Variants in DPYSL5 observed in about 807,000 individuals in gnomAD.
DPYSL5 encodes dihydropyrimidinase like 5.
Under a neutral mutation model 58.4 loss-of-function variants are expected in DPYSL5, and 9 were observed. The observed-to-expected ratio is 0.15, with a 90% CI of 0.09 to 0.27. The LOEUF is 0.27. Ranked by LOEUF, DPYSL5 falls within the 10% of genes least tolerant of loss-of-function variation. DPYSL5 has a pLI of 1.00. For missense variants in DPYSL5, 499 were observed against 770.6 expected (o/e 0.65, Z 4.17); for synonymous variants, 293 against 301.9 (o/e 0.97, Z 0.31).
At chr2:26,873,697 G>GT (rs1663329773) in intron 1 of DPYSL5, among the ~76,000 whole-genome samples, 1 of 152,200 alleles carries the variant, frequency 6.6e-6, no homozygotes, top group Non-Finnish European at 1.5e-5. Context: ...GTTTTCACAT[G>GT]TTTAAATGGT....
Position 26,933,894 on chromosome 2 carries a change from G to T in DPYSL5, c.790+561G>T, listed in dbSNP as rs533914655. 6.6e-6 allele frequency among the ~76,000 whole-genome samples: 1 copy of T among 152,262 alleles called. No homozygotes were observed. Among genetic ancestry groups the T allele is most frequent in the South Asian group, 2.1e-4 (1 of 4,826 alleles). On this transcript the variant is annotated intron_variant, in intron 7 of 12. Coordinates refer to ENST00000288699, the MANE Select transcript of DPYSL5 (RefSeq NM_020134.4). The surrounding 1 kb of genome is among the most constrained non-coding windows in gnomAD (Gnocchi z 4.2). Reference sequence around the variant, plus strand: ...AGCCCCGCCCCAGGTGCTGGTGAGGGCCTGGCAGCAGGAGAAACAAAGTCA... The same window carrying T: ...AGCCCCGCCCCAGGTGCTGGTGAGGTCCTGGCAGCAGGAGAAACAAAGTCA...
intron 2 of DPYSL5, among the ~76,000 whole-genome samples, chr2:26,916,235 C>A (rs1664560200): frequency 1.3e-5 from 2 of 152,288 alleles, no homozygotes; most frequent in East Asian, 3.9e-4. Context: ...CAGTCAGGTC[C>A]ATCATCCCAA....
intron 1 of DPYSL5, among the ~76,000 whole-genome samples, chr2:26,869,967 C>T (rs942419048): frequency 3.9e-5 from 6 of 152,114 alleles, no homozygotes; most frequent in African/African-American, 9.7e-5. Context: ...GCTGAGATCG[C>T]GCCACTGCAC....
intron 2 of DPYSL5, among the ~76,000 whole-genome samples, chr2:26,915,723 C>T (rs1039869312): frequency 2.0e-5 from 3 of 152,122 alleles, no homozygotes; most frequent in Non-Finnish European, 2.9e-5. Flanking sequence ...TCCTGATTTC[C>T]CCCAAAACCT....
intron 1 of DPYSL5, among the ~76,000 whole-genome samples, chr2:26,891,826 C>A (rs1431079660): frequency 6.6e-6 from 1 of 152,054 alleles, no homozygotes; most frequent in African/African-American, 2.4e-5. Flanking sequence ...GCATGCACTA[C>A]CACGCCCAGC....
At chr2:26,883,386 ATTGTTTGT>A (rs1284722746) in intron 1 of DPYSL5, among the ~76,000 whole-genome samples, 1 of 151,696 alleles carries the variant, frequency 6.6e-6, no homozygotes, top group Non-Finnish European at 1.5e-5. Context: ...ATTTGCTCTT[ATTGTTTGT>A]TTGTTTGTTT....
intron 5 of DPYSL5, among the ~76,000 whole-genome samples, chr2:26,929,760 C>T (rs1664925212): frequency 2.0e-5 from 3 of 152,230 alleles, no homozygotes; most frequent in South Asian, 2.1e-4. Context: ...AGCTGTTTTC[C>T]GCCTGCCCTC....
intron 1 of DPYSL5, among the ~76,000 whole-genome samples, chr2:26,864,975 G>A (rs1457149663): frequency 3.9e-5 from 6 of 152,140 alleles, no homozygotes; most frequent in Non-Finnish European, 8.8e-5. Flanking sequence ...ATCTACATCC[G>A]TTCACAGACC....
intron 1 of DPYSL5, among the ~76,000 whole-genome samples, chr2:26,866,985 C>A (rs1056553625): frequency 6.6e-6 from 1 of 151,952 alleles, no homozygotes. Context: ...TCGCATGCCT[C>A]GGCCTCCCAA....
rs55675629 is a variant in DPYSL5, at chr2:26,944,704, G to A, written c.1489G>A (p.Ala497Thr). ...CCGCACTCCCTACCTGGGGGATGTC[G>A]CTGTTGTCGTGCACCCTGGGAAAAA... ...VDRTPYLGDV[A>T]VVVHPGKKEM... Residue 497 changes from alanine to threonine, a missense_variant, in exon 12 of 13, where the codon GCT becomes ACT. Physicochemically the swap from Ala to Thr is moderately conservative, Grantham distance 58. This residue lies in a region of DPYSL5 where 62 missense variants were observed against 59.2 expected (regional missense o/e 1.05). Coordinates refer to ENST00000288699, the MANE Select transcript of DPYSL5 (RefSeq NM_020134.4). This position sits in a 1 kb window ranked among gnomAD's most constrained non-coding sequence, Gnocchi z 4.4. The A allele has an allele frequency of 2.5e-5, 40 of 1,614,080 alleles. No individual in the cohort carries two copies. Among genetic ancestry groups the A allele is most frequent in the South Asian group, 1.2e-4 (11 of 91,086 alleles).
chr2:26,941,173 C>T (rs1024108610), intron 9 of DPYSL5, among the ~76,000 whole-genome samples: 2 of 151,898 alleles, frequency 1.3e-5, no homozygotes, highest in Admixed American at 6.6e-5. Flanking sequence ...CTCTTGACCT[C>T]GTGATCCGCC....
chr2:26,941,910 C>T (rs757388162), intron 9 of DPYSL5, 40 bp from the exon 10 acceptor site: 1 of 1,613,182 alleles, frequency 6.2e-7, no homozygotes, highest in African/African-American at 1.3e-5. Flanking sequence ...AGACCCACCC[C>T]CAGAGCCTGG....
At chr2:26,859,366 C>T (rs1196328895) in intron 1 of DPYSL5, among the ~76,000 whole-genome samples, 12 of 149,616 alleles carry the variant, frequency 8.0e-5, no homozygotes, top group African/African-American at 2.5e-4. Flanking sequence ...TTTTTTTTTC[C>T]AAATGTTTTT....
chr2:26,865,225 C>G (rs1666110732), intron 1 of DPYSL5, among the ~76,000 whole-genome samples: 1 of 151,848 alleles, frequency 6.6e-6, no homozygotes, highest in Admixed American at 6.6e-5. Context: ...TCCAAATAGC[C>G]AACAAATAGC....
intron 1 of DPYSL5, among the ~76,000 whole-genome samples, chr2:26,872,246 T>C (rs1400868357): frequency 6.6e-6 from 1 of 152,150 alleles, no homozygotes; most frequent in Non-Finnish European, 1.5e-5. Flanking sequence ...AGGGCAACAG[T>C]AGTTAGACAC....
intron 8 of DPYSL5, among the ~76,000 whole-genome samples, chr2:26,936,913 T>G (rs896398955): frequency 2.3e-4 from 26 of 112,208 alleles, no homozygotes; most frequent in Non-Finnish European, 3.6e-4. Flanking sequence ...ACAACTGCAC[T>G]CCAGCGTGGG....
At chr2:26,932,188 A>G (rs1238474599) in intron 6 of DPYSL5, among the ~76,000 whole-genome samples, 1 of 80,286 alleles carries the variant, frequency 1.2e-5, no homozygotes, top group African/African-American at 4.5e-5. Context: ...AGAAAGAAAG[A>G]AAGAAAGAAA....
At chr2:26,900,596 T>TCCC (rs1400473570) in intron 2 of DPYSL5, among the ~76,000 whole-genome samples, 1 of 152,206 alleles carries the variant, frequency 6.6e-6, no homozygotes, top group African/African-American at 2.4e-5. Context: ...GGGCACATAC[T>TCCC]CCCGGGAATG....
intron 1 of DPYSL5, among the ~76,000 whole-genome samples, chr2:26,882,107 A>G (rs7602544): frequency 6.2e-5 from 8 of 129,388 alleles, no homozygotes; most frequent in South Asian, 5.0e-4. Flanking sequence ...AAAAAAAAAA[A>G]AAAAAGAAAG....
Sources: gnomAD v4.1 joint callset for allele counts (sites outside exome capture counted in the v4.1 genomes callset) on GRCh38, gnomAD v4.1.1 for gene constraint, gnomAD v4.1.1 regional missense constraint, Gnocchi (gnomAD v3.1) non-coding constraint, MANE v1.5 for transcripts, NCBI Gene and HGNC (gene_info 2026-07-23, HGNC 2026-07-21) for gene names.